Variants in DNAJC1 observed in about 807,000 individuals in gnomAD.
DNAJC1 encodes the protein dnaJ homolog subfamily C member 1.
DNAJC1 carries 58 observed loss-of-function variants against 76.6 expected under a neutral mutation model. The observed-to-expected ratio is 0.76, with a 90% confidence interval of 0.61 to 0.94. The LOEUF (loss-of-function observed/expected upper bound fraction) is 0.94, where lower values mean the gene tolerates loss of function less well. Ranked by LOEUF, DNAJC1 falls within the 40% of genes least tolerant of loss-of-function variation. The pLI, the probability that DNAJC1 is intolerant of heterozygous loss-of-function variation, is 0.00. For missense variants in DNAJC1, 689 were observed against 677.3 expected, an observed-to-expected ratio of 1.02 and a Z score of -0.19; for synonymous variants, 258 against 267.9, an observed-to-expected ratio of 0.96 and a Z score of 0.36.
intron 8 of DNAJC1, among the ~76,000 whole-genome samples, chr10:21,817,145 G>C (rs1835090182): frequency 8.1e-6 from 1 of 122,996 alleles, no homozygotes; most frequent in African/African-American, 3.2e-5. Flanking sequence ...GGGCTACAGA[G>C]CGAGATTCCG....
intron 8 of DNAJC1, among the ~76,000 whole-genome samples, chr10:21,863,176 G>A (rs1411258590): frequency 6.6e-6 from 1 of 151,880 alleles, no homozygotes; most frequent in East Asian, 1.9e-4. Flanking sequence ...CTAAGTAGAA[G>A]ACAGGTATGT....
intron 9 of DNAJC1, among the ~76,000 whole-genome samples, chr10:21,798,213 A>G (rs545109322): frequency 3.3e-5 from 5 of 152,208 alleles, no homozygotes; most frequent in Non-Finnish European, 7.3e-5. Context: ...AACAACCTCT[A>G]GTCCAAAACC....
intron 6 of DNAJC1, among the ~76,000 whole-genome samples, chr10:21,908,093 AATATATATAATATATAAAAT>A (rs1836781041): frequency 1.8e-5 from 2 of 111,774 alleles, no homozygotes; most frequent in Admixed American, 1.3e-4. Flanking sequence ...TTATATATAA[AATATATATAATATATAAAAT>A]ATATATATAA....
At chr10:21,886,918 G>A (rs574232740) in intron 7 of DNAJC1, among the ~76,000 whole-genome samples, 24 of 152,210 alleles carry the variant, frequency 1.6e-4, no homozygotes, top group Admixed American at 1.2e-3. Context: ...AAGAAATAAA[G>A]CACATTCAAA....
chr10:21,801,345 A>G (rs1834810830), intron 9 of DNAJC1, among the ~76,000 whole-genome samples: 1 of 152,212 alleles, frequency 6.6e-6, no homozygotes, highest in South Asian at 2.1e-4. Flanking sequence ...GACACTTTTC[A>G]AAAGAAGACA....
At chr10:21,948,294 T>C (rs1050489549) in intron 1 of DNAJC1, among the ~76,000 whole-genome samples, 2 of 152,164 alleles carry the variant, frequency 1.3e-5, no homozygotes, top group Non-Finnish European at 2.9e-5. Context: ...CTATCAAATA[T>C]GAATATTTGA....
At chr10:21,781,994 A>G (rs1256202487) in intron 9 of DNAJC1, among the ~76,000 whole-genome samples, 1 of 152,176 alleles carries the variant, frequency 6.6e-6, no homozygotes, top group Non-Finnish European at 1.5e-5. Flanking sequence ...CTAGAGAAGC[A>G]AGAGCGAACA....
intron 1 of DNAJC1, among the ~76,000 whole-genome samples, chr10:21,984,331 G>C (rs908539523): frequency 6.6e-6 from 1 of 152,162 alleles, no homozygotes; most frequent in Non-Finnish European, 1.5e-5. Flanking sequence ...AGCAGTTCCA[G>C]GGGCAGTTAT....
Position 21,767,891 on chromosome 10 carries a change from A to G in DNAJC1, c.1099-1582T>C, listed in dbSNP as rs149936664. Reference sequence around the variant, plus strand: ...ACGCCTGTAATCCCAGCTATTTGGGAGGCTGAGGCAGCAGAACTGCTTGAA... The same window carrying G: ...ACGCCTGTAATCCCAGCTATTTGGGGGGCTGAGGCAGCAGAACTGCTTGAA... On this transcript the variant is annotated intron_variant, in intron 9 of 11. Transcript: ENST00000376980. 3.9e-3 allele frequency among the ~76,000 whole-genome samples: 594 copies of G among 152,224 alleles called. 2 individuals are homozygous for G. The highest frequency in any genetic ancestry group is 0.013 in the African/African-American group (539 of 41,544).
intron 8 of DNAJC1, among the ~76,000 whole-genome samples, chr10:21,839,064 C>T (rs545288618): frequency 1.3e-5 from 2 of 152,320 alleles, no homozygotes; most frequent in East Asian, 3.9e-4. Flanking sequence ...AGAACAAAGA[C>T]TCAACATACC....
intron 1 of DNAJC1, among the ~76,000 whole-genome samples, chr10:21,949,892 T>C (rs1030332969): frequency 2.0e-5 from 3 of 152,106 alleles, no homozygotes; most frequent in East Asian, 1.9e-4. Flanking sequence ...GACCAGTGTT[T>C]AGAACTGGGT....
At chr10:21,779,709 C>T (rs776725314) in intron 9 of DNAJC1, among the ~76,000 whole-genome samples, 2 of 152,226 alleles carry the variant, frequency 1.3e-5, no homozygotes, top group East Asian at 1.9e-4. Context: ...CAAAGGAACA[C>T]AGCTCCTTGC....
chr10:21,852,233 C>T (rs1216217380), intron 8 of DNAJC1, among the ~76,000 whole-genome samples: 1 of 151,906 alleles, frequency 6.6e-6, no homozygotes, highest in Non-Finnish European at 1.5e-5. Context: ...AGGTCACATA[C>T]TGTATGAGTT....
At chr10:21,780,131 A>C (rs990211221) in intron 9 of DNAJC1, among the ~76,000 whole-genome samples, 9 of 152,344 alleles carry the variant, frequency 5.9e-5, no homozygotes, top group Admixed American at 1.3e-4. Flanking sequence ...GGTGTACCTG[A>C]AAGTGACGGG....
At chr10:21,959,703 T>C (rs562511915) in intron 1 of DNAJC1, among the ~76,000 whole-genome samples, 1 of 151,292 alleles carries the variant, frequency 6.6e-6, no homozygotes, top group South Asian at 2.1e-4. Flanking sequence ...GGAGAATCAC[T>C]TGGACCTGGG....
chr10:21,787,753 A>G (rs1834630535), intron 9 of DNAJC1, among the ~76,000 whole-genome samples: 1 of 152,148 alleles, frequency 6.6e-6, no homozygotes, highest in Non-Finnish European at 1.5e-5. Flanking sequence ...AGCCCCCACC[A>G]ACACCTTAGA....
chr10:21,864,178 C>T (rs530272689), intron 8 of DNAJC1, among the ~76,000 whole-genome samples: 5 of 152,070 alleles, frequency 3.3e-5, no homozygotes, highest in Non-Finnish European at 7.3e-5. Context: ...GAAGCAAGAT[C>T]GTGCCACTGC....
At chr10:21,758,017 T>C (rs1359534757) in intron 11 of DNAJC1, among the ~76,000 whole-genome samples, 1 of 152,176 alleles carries the variant, frequency 6.6e-6, no homozygotes, top group Non-Finnish European at 1.5e-5. Flanking sequence ...TCGGGTAGAA[T>C]AGTTACTTCT....
At chr10:21,885,543 C>T (rs1329941268) in intron 7 of DNAJC1, among the ~76,000 whole-genome samples, 3 of 152,204 alleles carry the variant, frequency 2.0e-5, no homozygotes, top group Non-Finnish European at 4.4e-5. Context: ...ATACATTCTT[C>T]TCCTTGCCAC....
Sources: gnomAD v4.1 joint callset for allele counts (sites outside exome capture counted in the v4.1 genomes callset) on GRCh38, gnomAD v4.1.1 for gene constraint, MANE v1.5 for transcripts, NCBI Gene and HGNC (gene_info 2026-07-23, HGNC 2026-07-21) for gene names.